Variants in WDR43 observed in about 807,000 individuals in gnomAD.
WDR43 encodes WD repeat-containing protein 43.
WDR43 carries 13 observed loss-of-function variants against 91.4 expected under a neutral mutation model. The observed-to-expected ratio is 0.14, with a 90% CI of 0.09 to 0.23. WDR43 has a LOEUF of 0.23. WDR43 is among the 10% of genes least tolerant of loss of function. WDR43 has a pLI of 1.00. For missense variants in WDR43, 780 were observed against 809.4 expected (o/e 0.96, Z 0.44); for synonymous variants, 331 against 287.9 (o/e 1.15, Z -1.51).
intron 14 of WDR43, among the ~76,000 whole-genome samples, chr2:28,940,852 A>G (rs1400812062): frequency 6.6e-6 from 1 of 152,246 alleles, no homozygotes; most frequent in Non-Finnish European, 1.5e-5. Context: ...TATAACAGCT[A>G]TATTCTCAAT....
At chr2:28,917,756 C>A in intron 5 of WDR43, 137 bp from the exon 6 acceptor site, 1 of 713,968 alleles carries the variant, frequency 1.4e-6, no homozygotes, top group South Asian at 1.8e-5. Flanking sequence ...GATCTTTAGT[C>A]ACTTTACTAG....
At position 28,894,741 on chromosome 2, in the gene WDR43, G is replaced by T; in HGVS notation, c.43G>T (p.Ala15Ser). The T allele has an allele frequency of 6.3e-7, 1 of 1,590,536 alleles. No individual in the cohort carries two copies. ...CGGTAGCTGCGACCCCCTGGCCCCT[G>T]CTGGGGTCCCTTGCGCCTTCTCCCC... is the stretch of plus-strand genomic sequence containing the variant. ...GGGSCDPLAP[A>S]GVPCAFSPHS... Residue 15 changes from alanine (A) to serine (S), a missense_variant, in exon 1 of 18, where the codon GCT becomes TCT. By Grantham distance (99) the Ala-to-Ser change is moderately conservative (BLOSUM62 1). Coordinates refer to ENST00000407426, the MANE Select transcript of WDR43 (RefSeq NM_015131.3).
intron 3 of WDR43, 98 bp downstream of exon 3, chr2:28,906,679 C>G: frequency 7.4e-7 from 1 of 1,353,968 alleles, no homozygotes; most frequent in Non-Finnish European, 9.6e-7. Context: ...GTTCCATTTA[C>G]AAAGAACTTT....
At chr2:28,932,251 C>G (rs896350502) in intron 11 of WDR43, among the ~76,000 whole-genome samples, 3 of 152,156 alleles carry the variant, frequency 2.0e-5, no homozygotes, top group African/African-American at 7.2e-5. Context: ...GCAACCTCTG[C>G]CTCCCAGGTT....
chr2:28,914,969 T>C (rs1670878275), intron 5 of WDR43, among the ~76,000 whole-genome samples: 1 of 152,096 alleles, frequency 6.6e-6, no homozygotes, highest in Non-Finnish European at 1.5e-5. Flanking sequence ...TCAAAAAGTT[T>C]TTAAAGAAAT....
In WDR43 at chr2:28,917,974, T is replaced by G. The variant is rs981306607; in HGVS notation, c.828T>G (p.Thr276=). 6.3e-7 allele frequency: 1 copy of G among 1,578,986 alleles called. No homozygotes were observed. The highest frequency in any genetic ancestry group is 1.3e-5 in the African/African-American group (1 of 74,346). ...VTDEPVYIDL[T]LSENKEEPVK... ...ATGAACCTGTCTATATTGACTTAAC[T>G]TTGTCAGAAAACAAAGAAGAGGTAA... The change falls in exon 6 of 18, where the codon ACT becomes ACG. Residue 276 remains threonine, a synonymous_variant. Transcript: ENST00000407426.
intron 11 of WDR43, 31 bp downstream of exon 11, chr2:28,929,741 A>G (rs764113192): frequency 1.3e-6 from 2 of 1,597,434 alleles, no homozygotes; most frequent in Admixed American, 1.7e-5. Flanking sequence ...AACTAAATTA[A>G]CATGGTTAAT....
intron 15 of WDR43, among the ~76,000 whole-genome samples, chr2:28,942,034 AGTT>A (rs1250556588): frequency 6.6e-6 from 1 of 152,170 alleles, no homozygotes; most frequent in Non-Finnish European, 1.5e-5. Flanking sequence ...ATTGTGTTTC[AGTT>A]GTTATACAGT....
At chr2:28,927,432 A>G (rs1671161531) in intron 9 of WDR43, 137 bp from the exon 10 acceptor site, 8 of 1,052,336 alleles carry the variant, frequency 7.6e-6, no homozygotes, top group Admixed American at 3.0e-5. Context: ...TTTAAAATAT[A>G]TCTTAAATTG....
At chr2:28,918,295 A>C (rs1412599120) in intron 6 of WDR43, among the ~76,000 whole-genome samples, 1 of 151,938 alleles carries the variant, frequency 6.6e-6, no homozygotes, top group African/African-American at 2.4e-5. Flanking sequence ...AATCAGATGA[A>C]ATTGTTGGTG....
At chr2:28,941,115 T>TA (rs1671426394) in intron 14 of WDR43, among the ~76,000 whole-genome samples, 1 of 152,224 alleles carries the variant, frequency 6.6e-6, no homozygotes, top group Non-Finnish European at 1.5e-5. Flanking sequence ...AGCCTGGAGA[T>TA]ACGTGGTAGA....
intron 3 of WDR43, among the ~76,000 whole-genome samples, chr2:28,910,758 T>A (rs1448967894): frequency 6.6e-6 from 1 of 151,402 alleles, no homozygotes; most frequent in Admixed American, 6.6e-5. Context: ...AGTGCAGCAG[T>A]GGTGTCTCAG....
intron 11 of WDR43, among the ~76,000 whole-genome samples, chr2:28,933,574 T>C (rs1459507002): frequency 6.6e-6 from 1 of 152,206 alleles, no homozygotes. Flanking sequence ...GGAAAAACAG[T>C]GTTAGGAGTA....
rs1670585575 is a variant in WDR43 at position 28,902,021 on chromosome 2, C to G, written c.260C>G (p.Ala87Gly). ...CAGAGGAAAAAAAGGAAATCAGAAG[C>G]TGTAGGAATGAGTAACCAGACTGAC... ...SPQRKKRKSE[A>G]VGMSNQTDLL... Residue 87 changes from alanine to glycine, a missense_variant, in exon 2 of 18, where the codon GCT becomes GGT. Physicochemically the swap from Ala to Gly is moderately conservative, Grantham distance 60. Around this residue, in one of 4 missense-constraint regions of WDR43, gnomAD observed 174 missense variants for 207.3 expected, o/e 0.84. Coordinates refer to ENST00000407426, the MANE Select transcript of WDR43 (RefSeq NM_015131.3). 1 of 1,604,404 alleles carries G rather than the reference C, an allele frequency of 6.2e-7. No homozygotes were observed. The highest frequency in any genetic ancestry group is 8.5e-7 in the Non-Finnish European group (1 of 1,177,638).
intron 7 of WDR43, among the ~76,000 whole-genome samples, chr2:28,923,303 G>A (rs745312791): frequency 4.6e-5 from 7 of 152,288 alleles, no homozygotes; most frequent in South Asian, 2.1e-4. Flanking sequence ...ATCTTTGAGC[G>A]TGCTTTACTT....
At position 28,906,721 on chromosome 2, in the gene WDR43, A is replaced by G. The variant is rs926110596; in HGVS notation, c.485+140A>G. On this transcript the variant is annotated intron_variant, in intron 3 of 17. Transcript: ENST00000407426. ...AATCGAGCATGCAAGATTTTAATAC[A>G]TAAAATACTAAAACACATAAAATAC... 5 of 1,101,964 alleles carry G rather than the reference A, an allele frequency of 4.5e-6. No individual in the cohort carries two copies. The African/African-American group carries it at 8.1e-5, about 18-fold the overall frequency. 68.3% of individuals were successfully genotyped at this position (1,101,964 alleles called of 1,614,324 possible). A position where few individuals can be genotyped will look rare whatever the true frequency, so the allele number is the denominator to read the frequency against.
intron 6 of WDR43, among the ~76,000 whole-genome samples, chr2:28,921,123 TA>T (rs752901999): frequency 1.3e-4 from 18 of 141,760 alleles, no homozygotes; most frequent in East Asian, 5.0e-4. Context: ...CAGAACTTTT[TA>T]AAAAAAATTT....
rs1473056527 is a variant in WDR43 at position 28,929,654 on chromosome 2, A to G, written c.1381A>G (p.Ser461Gly). 1.9e-6 allele frequency: 3 copies of G among 1,613,764 alleles called. No individual in the cohort carries two copies. The highest frequency in any genetic ancestry group is 2.5e-6 in the Non-Finnish European group (3 of 1,179,816). The change falls in exon 11 of 18, where the codon AGC becomes GGC. Residue 461 changes from serine to glycine, a missense_variant. Coordinates refer to ENST00000407426, the MANE Select transcript of WDR43 (RefSeq NM_015131.3). ...AGGAAAGGAAGACCTCCAGACGAATAGCTTTCCAGTTCTTCTTACCCAGGG... is the reference window on the plus strand; with the variant it reads ...AGGAAAGGAAGACCTCCAGACGAATGGCTTTCCAGTTCTTCTTACCCAGGG... ...KKGKEDLQTN[S>G]FPVLLTQGLE... is the part of the protein sequence containing the mutation.
chr2:28,894,829 CCAA>C lies in WDR43; in HGVS notation c.136_138del (p.Asn46del). 6.2e-7 allele frequency: 1 copy of C among 1,611,256 alleles called. No individual in the cohort carries two copies. The highest frequency in any genetic ancestry group is 8.5e-7 in the Non-Finnish European group (1 of 1,178,818). On this transcript the variant is annotated inframe_deletion, in exon 1 of 18. Coordinates refer to ENST00000407426, the MANE Select transcript of WDR43 (RefSeq NM_015131.3). ...GGTCACTTACGAGTATGGGAGACGG[CCAA>C]CAACCGGCTGCACCAGGAGTACGTG...
Sources: allele counts gnomAD v4.1 joint callset (sites outside exome capture counted in the v4.1 genomes callset), GRCh38; gene constraint gnomAD v4.1.1; regional missense constraint gnomAD v4.1.1; transcripts MANE v1.5; gene names NCBI Gene and HGNC (gene_info 2026-07-23, HGNC 2026-07-21).